The following ERC2 variants were observed in gnomAD, a reference collection of about 807,000 sequenced individuals.
ERC2 encodes the protein ERC protein 2.
Under a neutral mutation model 114.8 loss-of-function variants are expected in ERC2, and 42 were observed. The observed-to-expected ratio is 0.37, with a 90% CI of 0.29 to 0.47. The LOEUF is 0.47. Among genes scored for constraint, ERC2 ranks in the 20% least tolerant of loss-of-function variants. The probability of loss-of-function intolerance (pLI) is 0.99; values close to 1 mark genes in which losing one functional copy is unlikely to be tolerated. For synonymous variants in ERC2, 454 were observed against 425.5 expected (o/e 1.07, Z -0.82); for missense variants, 939 against 1,150.7 (o/e 0.82, Z 2.66).
intron 17 of ERC2, among the ~76,000 whole-genome samples, chr3:55,542,109 A>T (rs927600954): frequency 2.4e-4 from 37 of 152,202 alleles, no homozygotes; most frequent in Admixed American, 2.0e-3. Context: ...AGATCGCAGG[A>T]TTTATATAGG....
At chr3:55,703,241 TG>T (rs1198415812) in intron 15 of ERC2, among the ~76,000 whole-genome samples, 1 of 152,188 alleles carries the variant, frequency 6.6e-6, no homozygotes, top group Non-Finnish European at 1.5e-5. Context: ...GAAAACAGCC[TG>T]GGTCTTTGAC....
At chr3:56,038,435 A>G (rs567638056) in intron 7 of ERC2, among the ~76,000 whole-genome samples, 4 of 152,282 alleles carry the variant, frequency 2.6e-5, no homozygotes, top group Admixed American at 2.6e-4. Flanking sequence ...AAGAAACAAC[A>G]GATGCTGGTG....
chr3:56,163,234 T>G (rs372991835), intron 4 of ERC2, among the ~76,000 whole-genome samples: 1 of 152,124 alleles, frequency 6.6e-6, no homozygotes, highest in East Asian at 1.9e-4. Context: ...AAGAGTATGG[T>G]TACTATGATT....
intron 2 of ERC2, among the ~76,000 whole-genome samples, chr3:56,342,941 T>C (rs2058147224): frequency 2.0e-5 from 3 of 152,010 alleles, no homozygotes; most frequent in Admixed American, 1.3e-4. Flanking sequence ...TCTGATGAAG[T>C]TCAAGCCCCT....
At chr3:56,300,385 T>C (rs1476951069) in intron 2 of ERC2, among the ~76,000 whole-genome samples, 1 of 151,558 alleles carries the variant, frequency 6.6e-6, no homozygotes, top group Non-Finnish European at 1.5e-5. Flanking sequence ...AGGGTTACAA[T>C]AGAAGTCATA....
At chr3:55,713,662 C>T (rs1242242119) in intron 15 of ERC2, among the ~76,000 whole-genome samples, 3 of 152,140 alleles carry the variant, frequency 2.0e-5, no homozygotes, top group Non-Finnish European at 4.4e-5. Flanking sequence ...CACCAAAAAG[C>T]ATGTTTTCAA....
At chr3:55,654,928 A>G (rs912972208) in intron 17 of ERC2, among the ~76,000 whole-genome samples, 4 of 152,134 alleles carry the variant, frequency 2.6e-5, no homozygotes, top group African/African-American at 9.7e-5. Flanking sequence ...CGACCATTTC[A>G]GTGTATGCAG....
chr3:55,827,245 A>G lies in ERC2; in HGVS notation c.2564+61144T>C, dbSNP rs538117305. Among the ~76,000 whole-genome samples, 3 of 152,186 alleles carry G rather than the reference A, an allele frequency of 2.0e-5. No homozygotes were observed. The East Asian group carries it at 5.8e-4, about 29-fold the overall frequency. Reference sequence around the variant, plus strand: ...AAAAGAAAAGAAAGAAAGAGGGAGAAAGAGAAAGAAACAGAGAGAAAGAAA... The same window carrying G: ...AAAAGAAAAGAAAGAAAGAGGGAGAGAGAGAAAGAAACAGAGAGAAAGAAA... On this transcript the variant is annotated intron_variant, in intron 14 of 17. Coordinates refer to ENST00000288221, the MANE Select transcript of ERC2 (RefSeq NM_015576.3).
At chr3:56,307,096 C>T (rs1452110192) in intron 2 of ERC2, among the ~76,000 whole-genome samples, 1 of 152,182 alleles carries the variant, frequency 6.6e-6, no homozygotes, top group Non-Finnish European at 1.5e-5. Flanking sequence ...TGGATTATCA[C>T]AGGATCCAGA....
intron 14 of ERC2, among the ~76,000 whole-genome samples, chr3:55,766,342 G>T (rs562471030): frequency 5.8e-4 from 88 of 151,550 alleles, no homozygotes; most frequent in African/African-American, 2.1e-3. Context: ...CAGTTTGTAG[G>T]TGATTTATTA....
At chr3:55,523,612 C>T (rs1406517320) in intron 17 of ERC2, among the ~76,000 whole-genome samples, 1 of 152,206 alleles carries the variant, frequency 6.6e-6, no homozygotes, top group Non-Finnish European at 1.5e-5. Flanking sequence ...AACTTGGCAT[C>T]AGACATTTGT....
chr3:56,305,315 AT>A (rs1219109471), intron 2 of ERC2, among the ~76,000 whole-genome samples: 2 of 152,096 alleles, frequency 1.3e-5, no homozygotes, highest in African/African-American at 2.4e-5. Flanking sequence ...TATATATAGA[AT>A]TCCTATAATT....
At chr3:55,836,158 C>T (rs62251596) in intron 14 of ERC2, among the ~76,000 whole-genome samples, 4 of 152,080 alleles carry the variant, frequency 2.6e-5, no homozygotes, top group South Asian at 2.1e-4. Flanking sequence ...GAATCAATAT[C>T]GTGAAAATGG....
Position 55,873,233 on chromosome 3 carries a change from C to G in ERC2, c.2564+15156G>C, listed in dbSNP as rs143632549. Reference sequence around the variant, plus strand: ...AGAAAGGAAAAAGAGGGTCATGCTTCTAGTGTGCCCACATCCAAATGTATT... The same window carrying G: ...AGAAAGGAAAAAGAGGGTCATGCTTGTAGTGTGCCCACATCCAAATGTATT... On this transcript the variant is annotated intron_variant, in intron 14 of 17. Coordinates refer to ENST00000288221, the MANE Select transcript of ERC2 (RefSeq NM_015576.3). Among the ~76,000 whole-genome samples the G allele has an allele frequency of 2.3e-3, 345 of 152,292 alleles. 1 individual carries two copies. Among genetic ancestry groups the G allele is most frequent in the African/African-American group, 7.8e-3 (323 of 41,556 alleles).
chr3:55,703,897 T>C (rs138162107), intron 15 of ERC2, among the ~76,000 whole-genome samples: 138 of 152,348 alleles, frequency 9.1e-4, no homozygotes, highest in African/African-American at 3.3e-3. Flanking sequence ...ATTGGTCTTC[T>C]TCAAGAAATA....
At chr3:56,405,599 G>A in intron 2 of ERC2, among the ~76,000 whole-genome samples, 1 of 151,838 alleles carries the variant, frequency 6.6e-6, no homozygotes, top group East Asian at 1.9e-4. Context: ...TAGATACATA[G>A]CATAGATAGA....
intron 8 of ERC2, among the ~76,000 whole-genome samples, chr3:56,012,445 G>C (rs1003662358): frequency 1.3e-5 from 2 of 152,194 alleles, no homozygotes; most frequent in Non-Finnish European, 1.5e-5. Context: ...CTTTCAAGAG[G>C]GCAGCACTAA....
chr3:55,589,452 G>A (rs943803270), intron 17 of ERC2, among the ~76,000 whole-genome samples: 5 of 152,128 alleles, frequency 3.3e-5, no homozygotes, highest in Non-Finnish European at 7.3e-5. Context: ...ACTACACGGG[G>A]AATGTTGCCT....
intron 6 of ERC2, among the ~76,000 whole-genome samples, chr3:56,099,188 G>A (rs1317904280): frequency 6.6e-6 from 1 of 152,196 alleles, no homozygotes; most frequent in African/African-American, 2.4e-5. Flanking sequence ...TCCTGAAGCT[G>A]AAAGAGACCA....
Sources: allele counts gnomAD v4.1 joint callset (sites outside exome capture counted in the v4.1 genomes callset), GRCh38; gene constraint gnomAD v4.1.1; transcripts MANE v1.5; gene names NCBI Gene and HGNC (gene_info 2026-07-23, HGNC 2026-07-21).